LRP1B: variants seen among roughly 807,000 people sequenced by gnomAD.
LRP1B encodes the protein low-density lipoprotein receptor-related protein 1B.
Under a neutral mutation model 556.6 loss-of-function variants are expected in LRP1B, and 217 were observed. That is an observed-to-expected ratio of 0.39 (90% confidence interval 0.35 to 0.44). The LOEUF (loss-of-function observed/expected upper bound fraction) is 0.44. Among genes scored for constraint, LRP1B ranks in the 20% least tolerant of loss-of-function variants. The pLI is 1.00. For missense variants in LRP1B, 5,053 were observed against 5,620.8 expected, an observed-to-expected ratio of 0.90 and a Z score of 3.23; for synonymous variants, 2,047 against 1,865.8, an observed-to-expected ratio of 1.10 and a Z score of -2.50.
intron 41 of LRP1B, among the ~76,000 whole-genome samples, chr2:140,607,895 A>G (rs1017269723): frequency 1.3e-5 from 2 of 152,014 alleles, no homozygotes; most frequent in Non-Finnish European, 2.9e-5. Context: ...ATGGGATGCA[A>G]TAGATTTTAA....
intron 41 of LRP1B, among the ~76,000 whole-genome samples, chr2:140,652,311 T>C (rs1684717768): frequency 6.6e-6 from 1 of 152,006 alleles, no homozygotes; most frequent in African/African-American, 2.4e-5. Context: ...AAATACAATA[T>C]GGAAGAAGCT....
intron 2 of LRP1B, among the ~76,000 whole-genome samples, chr2:141,723,471 A>G (rs1692917023): frequency 6.6e-6 from 1 of 151,676 alleles, no homozygotes; most frequent in South Asian, 2.1e-4. Flanking sequence ...ATAGCTATAG[A>G]ACTGCATAAA....
chr2:140,926,943 C>T (rs993871536), intron 20 of LRP1B, among the ~76,000 whole-genome samples: 2 of 152,026 alleles, frequency 1.3e-5, no homozygotes, highest in Non-Finnish European at 2.9e-5. Context: ...TTTGCTTATG[C>T]TTTATATTCA....
At chr2:141,997,717 T>C (rs1318191363) in intron 1 of LRP1B, among the ~76,000 whole-genome samples, 1 of 149,986 alleles carries the variant, frequency 6.7e-6, no homozygotes, top group African/African-American at 2.5e-5. Flanking sequence ...AAGAAAAGAG[T>C]ACTTTATTCT....
At chr2:141,790,675 A>G (rs1044495687) in intron 2 of LRP1B, among the ~76,000 whole-genome samples, 1 of 151,970 alleles carries the variant, frequency 6.6e-6, no homozygotes, top group Non-Finnish European at 1.5e-5. Context: ...TAAAAAATCT[A>G]TCTTACAAAC....
At chr2:141,933,233 G>GA (rs1315519829) in intron 1 of LRP1B, among the ~76,000 whole-genome samples, 3 of 150,076 alleles carry the variant, frequency 2.0e-5, no homozygotes, top group African/African-American at 4.9e-5. Flanking sequence ...TAAGTTTTAA[G>GA]AAAAAAAAAT....
chr2:141,520,666 T>C (rs1461953354), intron 2 of LRP1B, among the ~76,000 whole-genome samples: 2 of 152,056 alleles, frequency 1.3e-5, no homozygotes, highest in African/African-American at 4.8e-5. Context: ...TCACCTCTGT[T>C]TCATGTTTTC....
intron 1 of LRP1B, among the ~76,000 whole-genome samples, chr2:141,873,306 A>C (rs910002001): frequency 1.3e-5 from 2 of 152,078 alleles, no homozygotes; most frequent in Admixed American, 1.3e-4. Flanking sequence ...TAAAATACAA[A>C]AAAATTAGTG....
At chr2:141,715,674 G>A (rs1692559238) in intron 2 of LRP1B, among the ~76,000 whole-genome samples, 1 of 151,840 alleles carries the variant, frequency 6.6e-6, no homozygotes, top group Non-Finnish European at 1.5e-5. Flanking sequence ...AATTAGCTGG[G>A]CATTGTGGTG....
At chr2:140,746,559 A>G (rs567824117) in intron 35 of LRP1B, among the ~76,000 whole-genome samples, 107 of 152,286 alleles carry the variant, frequency 7.0e-4, no homozygotes, top group Non-Finnish European at 1.4e-3. Flanking sequence ...ATAAGCTAGA[A>G]ATGATGCAAG....
intron 1 of LRP1B, among the ~76,000 whole-genome samples, chr2:142,118,709 C>T (rs1318520094): frequency 6.6e-6 from 1 of 152,060 alleles, no homozygotes; most frequent in Non-Finnish European, 1.5e-5. Flanking sequence ...ACAAGTAACC[C>T]TTCCCCTTTC....
chr2:140,500,125 T>G (rs575609574), intron 55 of LRP1B, among the ~76,000 whole-genome samples: 1 of 152,122 alleles, frequency 6.6e-6, no homozygotes, highest in East Asian at 1.9e-4. Flanking sequence ...ATATATTGTT[T>G]ATGAATGAGT....
At position 141,229,428 on chromosome 2, in the gene LRP1B, C is replaced by A. The variant is rs1683376360; in HGVS notation, c.605G>T (p.Arg202Ile). ...ATTTGCAATTAATAGTATAGGTGGT[C>A]TATCTGTAGGTTCTGGAATAAAATA... The part of the protein sequence containing the change: ...SCKAKIEPTD[R>I]PPILLIANFE... The change falls in exon 6 of 91, where the codon AGA becomes ATA. Residue 202 changes from arginine (R) to isoleucine (I), a missense_variant. Physicochemically the swap from Arg to Ile is moderately conservative, Grantham distance 97 (BLOSUM62 -3). Transcript: ENST00000389484. 1.9e-6 allele frequency: 3 copies of A among 1,572,158 alleles called. No individual in the cohort carries two copies. Among genetic ancestry groups the A allele is most frequent in the South Asian group, 2.3e-5 (2 of 88,688 alleles).
At chr2:141,575,007 T>C (rs975973992) in intron 2 of LRP1B, among the ~76,000 whole-genome samples, 1 of 152,074 alleles carries the variant, frequency 6.6e-6, no homozygotes, top group Non-Finnish European at 1.5e-5. Flanking sequence ...GAAGAATCAA[T>C]ATTGTGAAAA....
intron 1 of LRP1B, among the ~76,000 whole-genome samples, chr2:141,824,721 A>C (rs566890465): frequency 2.6e-5 from 4 of 152,256 alleles, no homozygotes; most frequent in Admixed American, 6.5e-5. Flanking sequence ...TTTTCTAAAC[A>C]GGCCTCAATG....
At chr2:141,123,548 A>G (rs1288452782) in intron 7 of LRP1B, among the ~76,000 whole-genome samples, 2 of 152,104 alleles carry the variant, frequency 1.3e-5, no homozygotes. Flanking sequence ...ACTATTCTGT[A>G]AATATGCTCT....
intron 12 of LRP1B, among the ~76,000 whole-genome samples, chr2:141,017,320 AT>A (rs1367771935): frequency 5.9e-5 from 9 of 151,974 alleles, no homozygotes; most frequent in Admixed American, 1.3e-4. Context: ...ATTTTCTTAT[AT>A]ACAGTTAATC....
intron 41 of LRP1B, among the ~76,000 whole-genome samples, chr2:140,611,904 A>T (rs1683084782): frequency 6.6e-6 from 1 of 152,174 alleles, no homozygotes; most frequent in South Asian, 2.1e-4. Flanking sequence ...TAGGAAAAAT[A>T]AATGCTCACC....
At chr2:140,883,780 A>T (rs2105186382) in intron 25 of LRP1B, 37 bp downstream of exon 25, 3 of 1,524,666 alleles carry the variant, frequency 2.0e-6, no homozygotes, top group Middle Eastern at 1.8e-4. Flanking sequence ...ACTATTTTTT[A>T]TGCCAAAATC....
Sources: gnomAD v4.1 joint callset for allele counts (sites outside exome capture counted in the v4.1 genomes callset) on GRCh38, gnomAD v4.1.1 for gene constraint, MANE v1.5 for transcripts, NCBI Gene and HGNC (gene_info 2026-07-23, HGNC 2026-07-21) for gene names.